The following NTM variants were observed in gnomAD, a reference collection of about 807,000 sequenced individuals.
NTM encodes the protein neurotrimin.
In NTM, 13 loss-of-function variants were observed where a neutral mutation model predicts 42.1. The ratio of observed to expected loss-of-function variants is 0.31; its 90% CI spans 0.20 to 0.49. NTM has a LOEUF of 0.49. NTM is among the 20% of genes least tolerant of loss of function. The pLI is 0.99. For missense variants in NTM, 373 were observed against 452.8 expected (o/e 0.82, Z 1.60); for synonymous variants, 187 against 179.2 (o/e 1.04, Z -0.35).
intron 1 of NTM, among the ~76,000 whole-genome samples, chr11:131,549,429 T>G (rs2054357016): frequency 6.6e-6 from 1 of 152,200 alleles, no homozygotes; most frequent in Non-Finnish European, 1.5e-5. Context: ...ATTAAAAATT[T>G]TTTAGACAGA....
intron 3 of NTM, among the ~76,000 whole-genome samples, chr11:132,178,983 T>A (rs1373720407): frequency 1.3e-5 from 2 of 152,198 alleles, no homozygotes; most frequent in Non-Finnish European, 2.9e-5. Context: ...GTAAGCGGGA[T>A]TTACTTTTTT....
At chr11:131,623,536 A>C (rs903348303) in intron 1 of NTM, among the ~76,000 whole-genome samples, 1 of 152,222 alleles carries the variant, frequency 6.6e-6, no homozygotes, top group Non-Finnish European at 1.5e-5. Flanking sequence ...GGCTGCTTGC[A>C]TGTTTAAATG....
At chr11:132,212,349 C>T (rs1395955352) in intron 4 of NTM, among the ~76,000 whole-genome samples, 1 of 152,144 alleles carries the variant, frequency 6.6e-6, no homozygotes, top group African/African-American at 2.4e-5. Flanking sequence ...GAATTCATAC[C>T]TCAGTATCTC....
intron 3 of NTM, among the ~76,000 whole-genome samples, chr11:132,199,378 G>A (rs1297075397): frequency 6.6e-6 from 1 of 152,170 alleles, no homozygotes; most frequent in Admixed American, 6.5e-5. Flanking sequence ...GCTTCTATAT[G>A]CTTTTCTGTA....
chr11:132,335,747 A>G lies in NTM; in HGVS notation c.*601A>G, dbSNP rs1470934798. 1 of 150,968 alleles carries G rather than the reference A, an allele frequency of 6.6e-6. No individual in the cohort carries two copies. The highest frequency in any genetic ancestry group is 1.5e-5 in the Non-Finnish European group (1 of 67,666). The allele number at this position is 150,968 out of a possible 1,614,324, so 9.4% of individuals were successfully genotyped here. The stretch of plus-strand genomic sequence containing the variant: ...CGTTAAACTTTTTTTTTTTTTTATC[A>G]TTTTACTACATGAACATCATGGATA... On this transcript the variant is annotated 3_prime_UTR_variant, in exon 9 of 9. Coordinates refer to ENST00000683400, the MANE Select transcript of NTM (RefSeq NM_001352005.2).
chr11:132,115,970 A>G (rs970682130), intron 2 of NTM, among the ~76,000 whole-genome samples: 1 of 152,198 alleles, frequency 6.6e-6, no homozygotes, highest in African/African-American at 2.4e-5. Context: ...TCTTTGCCCC[A>G]TTCATCCATT....
intron 2 of NTM, among the ~76,000 whole-genome samples, chr11:131,986,269 C>A (rs569298922): frequency 6.6e-6 from 1 of 152,184 alleles, no homozygotes; most frequent in African/African-American, 2.4e-5. Flanking sequence ...CATGAAATAG[C>A]ATAGCAGAGA....
intron 2 of NTM, among the ~76,000 whole-genome samples, chr11:132,014,759 TGTTGA>T (rs146560100): frequency 0.11 from 13,944 of 130,904 alleles, 777 homozygotes; most frequent in Non-Finnish European, 0.13. Context: ...TTTTTTTTGC[TGTTGA>T]GTTAAGTTCC....
intron 1 of NTM, among the ~76,000 whole-genome samples, chr11:131,668,071 G>C (rs2069401997): frequency 6.6e-6 from 1 of 152,198 alleles, no homozygotes; most frequent in African/African-American, 2.4e-5. Context: ...GCAGCCAGGG[G>C]AGGTTAAGTA....
rs563123462 is a variant in NTM, at chr11:131,943,420, G to C, written c.167+31772G>C. Among the ~76,000 whole-genome samples the C allele has an allele frequency of 2.6e-5, 4 of 152,340 alleles. No homozygotes were observed. The East Asian group carries it at 7.7e-4, about 29-fold the overall frequency. ...CCCAGTTGGGAGGGCCCAGTAACCT[G>C]TGCTGCAACAAACCTTCGGATGGTT... On this transcript the variant is annotated intron_variant, in intron 2 of 8. Transcript: ENST00000683400.
chr11:131,682,523 C>T (rs540059779), intron 1 of NTM, among the ~76,000 whole-genome samples: 1 of 152,230 alleles, frequency 6.6e-6, no homozygotes, highest in South Asian at 2.1e-4. Flanking sequence ...GAGCCCTCTC[C>T]TCTGCCAGCC....
At chr11:132,317,979 T>C (rs1472990208) in intron 7 of NTM, among the ~76,000 whole-genome samples, 3 of 152,136 alleles carry the variant, frequency 2.0e-5, no homozygotes, top group Admixed American at 6.5e-5. Flanking sequence ...GGGTAGAGAG[T>C]GAGTCTGGGA....
At chr11:131,837,522 C>T (rs528599701) in intron 1 of NTM, among the ~76,000 whole-genome samples, 1 of 152,244 alleles carries the variant, frequency 6.6e-6, no homozygotes, top group South Asian at 2.1e-4. Context: ...ATTGAGAACC[C>T]CTTTTCTACT....
chr11:131,519,177 C>G (rs113197682), intron 1 of NTM, among the ~76,000 whole-genome samples: 3,448 of 150,946 alleles, frequency 0.023, 135 homozygotes, highest in African/African-American at 0.078. Context: ...AAATTGAGAG[C>G]CAGGGGACAT....
intron 1 of NTM, chr11:131,774,192 C>T (rs968370079): frequency 2.3e-6 from 2 of 856,986 alleles, no homozygotes; most frequent in Non-Finnish European, 2.8e-6. Flanking sequence ...ATCTCCATAG[C>T]CTTTATGAGG....
intron 1 of NTM, among the ~76,000 whole-genome samples, chr11:131,752,377 A>C (rs968751212): frequency 1.3e-5 from 2 of 152,240 alleles, no homozygotes; most frequent in South Asian, 4.1e-4. Flanking sequence ...ATCATTAAAA[A>C]GTCAGGAAAC....
rs550340893 is a variant in NTM at position 132,336,414 on chromosome 11, C to T, written c.*1268C>T. On this transcript the variant is annotated 3_prime_UTR_variant, in exon 9 of 9. Transcript: ENST00000683400. Reference sequence around the variant, plus strand: ...AAAAAAAAAAAAAAACAACTAATACCGGGCGCAGCATCTTTCCAGGTGTGG... The same window carrying T: ...AAAAAAAAAAAAAAACAACTAATACTGGGCGCAGCATCTTTCCAGGTGTGG... The T allele has an allele frequency of 4.6e-5, 7 of 152,212 alleles. No homozygotes were observed. The highest frequency in any genetic ancestry group is 4.1e-4 in the South Asian group (2 of 4,824). 9.4% of individuals were successfully genotyped at this position (152,212 alleles called of 1,614,324 possible). A position where few individuals can be genotyped will look rare whatever the true frequency, so the allele number is the denominator to read the frequency against.
At chr11:132,048,753 C>G (rs934692797) in intron 2 of NTM, among the ~76,000 whole-genome samples, 1 of 151,864 alleles carries the variant, frequency 6.6e-6, no homozygotes, top group African/African-American at 2.4e-5. Flanking sequence ...CCAGCAATAT[C>G]GACAACAAGA....
At chr11:131,461,818 T>C (rs1167467860) in intron 1 of NTM, among the ~76,000 whole-genome samples, 1 of 152,138 alleles carries the variant, frequency 6.6e-6, no homozygotes, top group East Asian at 1.9e-4. Flanking sequence ...TATATATAAT[T>C]TTTCTTTGTC....
Sources: allele counts gnomAD v4.1 joint callset (sites outside exome capture counted in the v4.1 genomes callset), GRCh38; gene constraint gnomAD v4.1.1; transcripts MANE v1.5; gene names NCBI Gene and HGNC (gene_info 2026-07-23, HGNC 2026-07-21).